Variants in IGSF10 observed in about 807,000 individuals in gnomAD.
IGSF10 encodes the protein immunoglobulin superfamily member 10.
A neutral mutation model predicts 128.2 loss-of-function variants in IGSF10; 126 were observed. The observed-to-expected ratio is 0.98, with a 90% CI of 0.85 to 1.14. IGSF10 has a LOEUF of 1.14. Ranked by LOEUF, IGSF10 falls within the 50% of genes most tolerant of loss-of-function variation. IGSF10 has a pLI of 0.00. For missense variants in IGSF10, 3,295 were observed against 3,149.8 expected, an observed-to-expected ratio of 1.05 and a Z score of -1.10; for synonymous variants, 1,185 against 1,146.2, an observed-to-expected ratio of 1.03 and a Z score of -0.68.
the IGSF10 span, among the ~76,000 whole-genome samples, chr3:151,594,316 A>G: frequency 3.3e-5 from 5 of 150,960 alleles, no homozygotes; most frequent in African/African-American, 1.2e-4. Flanking sequence ...CCATTATGTA[A>G]CTGAATAAAA....
the IGSF10 span, among the ~76,000 whole-genome samples, chr3:151,558,283 C>G: frequency 6.6e-6 from 1 of 151,192 alleles, no homozygotes; most frequent in Non-Finnish European, 1.5e-5. Context: ...CAGAATAAGT[C>G]AGGTAGATTT....
At chr3:151,560,374 C>G in the IGSF10 span, among the ~76,000 whole-genome samples, 1 of 152,092 alleles carries the variant, frequency 6.6e-6, no homozygotes, top group South Asian at 2.1e-4. Flanking sequence ...CAGCCCCAAA[C>G]TCCTATTCCG....
intron 5 of IGSF10, among the ~76,000 whole-genome samples, chr3:151,453,150 G>C (rs6796950): frequency 0.028 from 4,316 of 152,256 alleles, 135 homozygotes; most frequent in African/African-American, 0.08. Flanking sequence ...TTTTTATAAA[G>C]AGCCAGATAG....
chr3:151,556,384 T>C, the IGSF10 span, among the ~76,000 whole-genome samples: 146 of 152,288 alleles, frequency 9.6e-4, no homozygotes, highest in South Asian at 1.7e-3. Context: ...GAGCACACTT[T>C]CCCTTGCTCT....
At chr3:151,459,567 G>T (rs1306304586) in intron 2 of IGSF10, among the ~76,000 whole-genome samples, 1 of 152,178 alleles carries the variant, frequency 6.6e-6, no homozygotes, top group Non-Finnish European at 1.5e-5. Context: ...CTTTTGCTCA[G>T]CTTCGGACAT....
At chr3:151,544,398 C>G in the IGSF10 span, among the ~76,000 whole-genome samples, 1,457 of 152,260 alleles carry the variant, frequency 9.6e-3, 26 homozygotes, top group East Asian at 0.061. Flanking sequence ...TTTTCTCTAC[C>G]TCACATCTTT....
the IGSF10 span, among the ~76,000 whole-genome samples, chr3:151,540,715 T>G: frequency 6.6e-6 from 1 of 152,164 alleles, no homozygotes; most frequent in East Asian, 1.9e-4. Context: ...TGTTAGCAGT[T>G]TTCCAAAGTG....
At chr3:151,603,937 C>T in the IGSF10 span, among the ~76,000 whole-genome samples, 1 of 152,130 alleles carries the variant, frequency 6.6e-6, no homozygotes, top group African/African-American at 2.4e-5. Flanking sequence ...TTTTTCCTGG[C>T]CTGCGAGCTC....
chr3:151,568,859 A>G, the IGSF10 span, among the ~76,000 whole-genome samples: 4 of 152,138 alleles, frequency 2.6e-5, no homozygotes, highest in African/African-American at 9.7e-5. Context: ...CATGAAACCA[A>G]ACTATGTTAA....
At chr3:151,438,750 GAT>G (rs1163647438) in intron 7 of IGSF10, among the ~76,000 whole-genome samples, 153 bp from the exon 8 acceptor site, 2 of 151,278 alleles carry the variant, frequency 1.3e-5, no homozygotes, top group South Asian at 4.2e-4. Flanking sequence ...TTTTGAGAGA[GAT>G]ATATATACAT....
At chr3:151,600,814 G>T in the IGSF10 span, among the ~76,000 whole-genome samples, 2 of 151,946 alleles carry the variant, frequency 1.3e-5, no homozygotes, top group African/African-American at 2.4e-5. Flanking sequence ...AAAAAATAAG[G>T]CATTTTCTTG....
Position 151,436,657 on chromosome 3 carries a change from T to C in IGSF10, c.*32A>G. 4 of 1,458,950 alleles carry C rather than the reference T, an allele frequency of 2.7e-6. No homozygotes were observed. Among genetic ancestry groups the C allele is most frequent in the Non-Finnish European group, 3.7e-6 (4 of 1,075,390 alleles). 90.4% of individuals were successfully genotyped at this position (1,458,950 alleles called of 1,614,324 possible). ...TAAACTTCTTCCAAAAAATAAATTC[T>C]GCCCAGATGTTGTTGACTTTATTAT... is the stretch of plus-strand genomic sequence containing the variant. On this transcript the variant is annotated 3_prime_UTR_variant, in exon 8 of 8. Coordinates refer to ENST00000282466, the MANE Select transcript of IGSF10 (RefSeq NM_178822.5).
At chr3:151,463,544 T>G (rs994874984), upstream of IGSF10, among the ~76,000 whole-genome samples, 16 of 105,584 alleles carry the variant, frequency 1.5e-4, no homozygotes, top group African/African-American at 3.4e-4. Flanking sequence ...TTTTTTTTTT[T>G]TTTTTTTTTT....
Position 151,445,338 on chromosome 3 carries a change from T to C in IGSF10, c.4643A>G (p.His1548Arg). 3 of 1,614,226 alleles carry C rather than the reference T, an allele frequency of 1.9e-6. No homozygotes were observed. The highest frequency in any genetic ancestry group is 2.5e-6 in the Non-Finnish European group (3 of 1,180,032). ...TTHFIYSNLLHSTPMPALTTV... is the reference protein window; with the variant it reads ...TTHFIYSNLLRSTPMPALTTV... ...TGTTAGTGCTGGCATGGGAGTAGAA[T>C]GTAACAGATTAGAGTAGATGAAGTG... The change falls in exon 6 of 8, where the codon CAT (histidine) becomes CGT (arginine). Residue 1548 changes from histidine (H) to arginine (R), a missense_variant. Transcript: ENST00000282466.
chr3:151,505,468 GA>G, the IGSF10 span, among the ~76,000 whole-genome samples: 1 of 152,062 alleles, frequency 6.6e-6, no homozygotes, highest in Non-Finnish European at 1.5e-5. Flanking sequence ...ATTTAGTGAG[GA>G]AAAAAATCAT....
At chr3:151,614,891 G>GT in the IGSF10 span, among the ~76,000 whole-genome samples, 2 of 133,416 alleles carry the variant, frequency 1.5e-5, no homozygotes, top group African/African-American at 2.9e-5. Context: ...AACAGAAACA[G>GT]TAAAAAAAAA....
At chr3:151,515,444 G>A in the IGSF10 span, among the ~76,000 whole-genome samples, 1 of 122,122 alleles carries the variant, frequency 8.2e-6, no homozygotes, top group African/African-American at 3.1e-5. Flanking sequence ...ACAGGAAGGG[G>A]AACATCACAC....
the IGSF10 span, among the ~76,000 whole-genome samples, chr3:151,513,946 C>T: frequency 6.6e-6 from 1 of 151,992 alleles, no homozygotes; most frequent in Non-Finnish European, 1.5e-5. Context: ...GGAGAACTAC[C>T]AACCACTGCT....
At chr3:151,617,321 C>CTTCTTCTTCTTCTT in the IGSF10 span, among the ~76,000 whole-genome samples, 9 of 36,086 alleles carry the variant, frequency 2.5e-4, no homozygotes, top group East Asian at 1.1e-3. Flanking sequence ...TTCTTCTTCC[C>CTTCTTCTTCTTCTT]CTCCTCCTCC....
Sources: allele counts gnomAD v4.1 joint callset (sites outside exome capture counted in the v4.1 genomes callset), GRCh38; gene constraint gnomAD v4.1.1; transcripts MANE v1.5; gene names NCBI Gene and HGNC (gene_info 2026-07-23, HGNC 2026-07-21).